Variants in RANBP10 observed in about 807,000 individuals in gnomAD.
RANBP10 encodes the protein RAN binding protein 10.
Under a neutral mutation model 72.8 loss-of-function variants are expected in RANBP10, and 24 were observed. The ratio of observed to expected loss-of-function variants is 0.33; its 90% CI spans 0.24 to 0.46. The LOEUF is 0.46. Among genes scored for constraint, RANBP10 ranks in the 20% least tolerant of loss-of-function variants. RANBP10 has a pLI of 1.00. For missense variants in RANBP10, 679 were observed against 817.5 expected (o/e 0.83, Z 2.07); for synonymous variants, 310 against 322.3 (o/e 0.96, Z 0.41).
intron 2 of RANBP10, among the ~76,000 whole-genome samples, chr16:67,787,652 A>T (rs1349303216): frequency 6.6e-6 from 1 of 152,186 alleles, no homozygotes; most frequent in Non-Finnish European, 1.5e-5. Context: ...AAGAATGGAT[A>T]AACAAAATGT....
chr16:67,802,926 C>T (rs16957551), intron 2 of RANBP10, among the ~76,000 whole-genome samples: 8,076 of 152,182 alleles, frequency 0.053, 649 homozygotes, highest in African/African-American at 0.18. Flanking sequence ...TGAAGTTGGT[C>T]TCTGCTCTCT....
chr16:67,747,803 C>T (rs1567685631), intron 3 of RANBP10, among the ~76,000 whole-genome samples: 1 of 151,032 alleles, frequency 6.6e-6, no homozygotes, highest in Middle Eastern at 3.4e-3. Context: ...TGGCGCTTGG[C>T]CTCATTTTCT....
chr16:67,753,533 G>A (rs1356339487), intron 3 of RANBP10, among the ~76,000 whole-genome samples: 1 of 152,180 alleles, frequency 6.6e-6, no homozygotes, highest in Non-Finnish European at 1.5e-5. Context: ...GCTAGCAATG[G>A]GAGGGGGGAT....
Position 67,732,950 on chromosome 16 carries a change from A to T in RANBP10, c.777-1366T>A, listed in dbSNP as rs533929971. 1.2e-3 allele frequency among the ~76,000 whole-genome samples: 183 copies of T among 149,134 alleles called. 2 individuals carry two copies. Among genetic ancestry groups the T allele is most frequent in the African/African-American group, 3.9e-3 (157 of 40,322 alleles). ...GCACCTGTAGTCCCAGCTACTCAGG[A>T]GGCTGAGGCAGGAGAATGGCTTGAA... On this transcript the variant is annotated intron_variant, in intron 6 of 13. Coordinates refer to ENST00000317506, the MANE Select transcript of RANBP10 (RefSeq NM_020850.3).
At chr16:67,791,716 C>T (rs1236206589) in intron 2 of RANBP10, among the ~76,000 whole-genome samples, 1 of 152,054 alleles carries the variant, frequency 6.6e-6, no homozygotes. Context: ...CAGAACCTGC[C>T]CCAGAAAAGA....
chr16:67,745,750 T>TGG (rs1289239653), intron 3 of RANBP10, among the ~76,000 whole-genome samples: 2 of 152,136 alleles, frequency 1.3e-5, no homozygotes, highest in Non-Finnish European at 2.9e-5. Flanking sequence ...CTGAGCATGG[T>TGG]GGCTCATGCT....
chr16:67,772,921 A>G (rs2054634295), intron 2 of RANBP10, among the ~76,000 whole-genome samples: 1 of 152,072 alleles, frequency 6.6e-6, no homozygotes, highest in Admixed American at 6.6e-5. Flanking sequence ...AATAAATACC[A>G]TCTTACCTTT....
At chr16:67,726,640 G>T in intron 13 of RANBP10, 82 bp from the exon 14 acceptor site, 5 of 1,445,936 alleles carry the variant, frequency 3.5e-6, no homozygotes, top group Non-Finnish European at 4.6e-6. Context: ...GTGGAAGGAG[G>T]GGGCAGTGGA....
chr16:67,758,800 G>A (rs146166554), intron 3 of RANBP10, among the ~76,000 whole-genome samples: 57 of 152,252 alleles, frequency 3.7e-4, no homozygotes, highest in African/African-American at 1.3e-3. Flanking sequence ...TTTGGAAGAC[G>A]AAAACAGGAC....
chr16:67,792,957 T>C (rs563269352), intron 2 of RANBP10, among the ~76,000 whole-genome samples: 1 of 152,058 alleles, frequency 6.6e-6, no homozygotes, highest in African/African-American at 2.4e-5. Context: ...CCCCTATTGG[T>C]GGCCCTAGGC....
At chr16:67,785,057 A>C (rs1832163370) in intron 2 of RANBP10, among the ~76,000 whole-genome samples, 1 of 150,812 alleles carries the variant, frequency 6.6e-6, no homozygotes, top group South Asian at 2.1e-4. Context: ...TAAAAATACA[A>C]AAAAAGTAGC....
At chr16:67,764,552 C>T (rs558415817) in intron 3 of RANBP10, among the ~76,000 whole-genome samples, 1 of 152,302 alleles carries the variant, frequency 6.6e-6, no homozygotes, top group African/African-American at 2.4e-5. Context: ...GCACACTCCT[C>T]GTAGCTTGCA....
chr16:67,771,244 G>C (rs1192082041), intron 3 of RANBP10, among the ~76,000 whole-genome samples: 2 of 152,160 alleles, frequency 1.3e-5, no homozygotes, highest in African/African-American at 4.8e-5. Flanking sequence ...TACAGAGTGA[G>C]ACCCTGTCTC....
Position 67,726,440 on chromosome 16 carries a change from G to A in RANBP10, c.1851C>T (p.Asp617=). ...LGSCSFARVD[D]YLH Reference sequence around the variant, plus strand: ...CCAGCACAGTCAGCTAGTGCAAGTAGTCATCAACTCTGGCAAAGGAGCAAG... The same window carrying A: ...CCAGCACAGTCAGCTAGTGCAAGTAATCATCAACTCTGGCAAAGGAGCAAG... Residue 617 remains aspartate, a synonymous_variant, in exon 14 of 14, where the codon GAC becomes GAT. Transcript: ENST00000317506. 1 of 1,612,678 alleles carries A rather than the reference G, an allele frequency of 6.2e-7. No homozygotes were observed. Among genetic ancestry groups the A allele is most frequent in the Non-Finnish European group, 8.5e-7 (1 of 1,179,498 alleles).
rs1182201502 is a variant in RANBP10 at position 67,806,396 on chromosome 16, G to A, written c.141C>T (p.Asn47=). The A allele has an allele frequency of 6.8e-6, 11 of 1,610,362 alleles. No homozygotes were observed. The highest frequency in any genetic ancestry group is 9.3e-6 in the Non-Finnish European group (11 of 1,178,538). ...RRLQRLYPAV[N]QQETPLPRSW... Reference sequence around the variant, plus strand: ...AGCGCGGCAGCGGAGTCTCTTGCTGGTTGACCGCGGGATACAGGCGCTGCA... The same window carrying A: ...AGCGCGGCAGCGGAGTCTCTTGCTGATTGACCGCGGGATACAGGCGCTGCA... Residue 47 remains asparagine, a synonymous_variant, in exon 1 of 14, where the codon AAC becomes AAT. Coordinates refer to ENST00000317506, the MANE Select transcript of RANBP10 (RefSeq NM_020850.3).
rs1346129346 is a variant in RANBP10, at chr16:67,740,589, G to A, written c.569-2554C>T. 2.6e-5 allele frequency among the ~76,000 whole-genome samples: 4 copies of A among 152,074 alleles called. No homozygotes were observed. The East Asian group carries it at 5.8e-4, about 22-fold the overall frequency. ...CAACAGGTCTCCCAGAAACCTGGCC[G>A]GAATCATGCCAGCCAGCACATACCA... On this transcript the variant is annotated intron_variant, in intron 4 of 13. Coordinates refer to ENST00000317506, the MANE Select transcript of RANBP10 (RefSeq NM_020850.3).
chr16:67,754,388 T>A (rs963530250), intron 3 of RANBP10, among the ~76,000 whole-genome samples: 44 of 152,214 alleles, frequency 2.9e-4, no homozygotes, highest in Non-Finnish European at 5.0e-4. Flanking sequence ...TGTGTTGTCC[T>A]GATACATACA....
Position 67,744,417 on chromosome 16 carries a change from C to T in RANBP10, c.439G>A (p.Gly147Arg). 1 of 1,614,144 alleles carries T rather than the reference C, an allele frequency of 6.2e-7. No individual in the cohort carries two copies. The highest frequency in any genetic ancestry group is 8.5e-7 in the Non-Finnish European group (1 of 1,179,996). Residue 147 changes from glycine (G) to arginine (R), a missense_variant, in exon 4 of 14, where the codon GGG becomes AGG. Transcript: ENST00000317506. Reference sequence around the variant, plus strand: ...GTCCCCGAGGAGCAGAACGAATGCCCATCATCACCATGGTAACCATAGGAA... The same window carrying T: ...GTCCCCGAGGAGCAGAACGAATGCCTATCATCACCATGGTAACCATAGGAA... ...KHSYGYHGDD[G>R]HSFCSSGTGQ...
At chr16:67,733,041 G>A (rs1467339083) in intron 6 of RANBP10, among the ~76,000 whole-genome samples, 171 of 123,604 alleles carry the variant, frequency 1.4e-3, no homozygotes, top group African/African-American at 5.1e-3. Context: ...GCGACAAAGC[G>A]AGACTCCATC....
Sources: allele counts gnomAD v4.1 joint callset (sites outside exome capture counted in the v4.1 genomes callset), GRCh38; gene constraint gnomAD v4.1.1; transcripts MANE v1.5; gene names NCBI Gene and HGNC (gene_info 2026-07-23, HGNC 2026-07-21).